Variants in PIGN observed in about 807,000 individuals in gnomAD.
PIGN encodes the protein phosphatidylinositol glycan anchor biosynthesis class N, also known as GPI ethanolamine phosphate transferase 1.
In PIGN, 117 loss-of-function variants were observed where a neutral mutation model predicts 125.4. The ratio of observed to expected loss-of-function variants is 0.93; its 90% confidence interval spans 0.80 to 1.09. The LOEUF (loss-of-function observed/expected upper bound fraction) is 1.09, where lower values mean the gene tolerates loss of function less well. Among genes scored for constraint, PIGN ranks in the 50% least tolerant of loss-of-function variants. The pLI, the probability that PIGN is intolerant of heterozygous loss-of-function variation, is 0.00. For missense variants in PIGN, 1,075 were observed against 1,094.9 expected (o/e 0.98, Z 0.26); for synonymous variants, 392 against 377.8 (o/e 1.04, Z -0.44).
intron 6 of PIGN, among the ~76,000 whole-genome samples, chr18:62,156,743 G>A (rs1219372792): frequency 6.6e-6 from 1 of 152,068 alleles, no homozygotes; most frequent in Non-Finnish European, 1.5e-5. Flanking sequence ...AAAGTGCTAT[G>A]CTAAATATTT....
Position 62,074,790 on chromosome 18 carries a change from T to C in PIGN, c.2608A>G (p.Ile870Val), listed in dbSNP as rs756846755. The change falls in exon 29 of 31, where the codon ATT (isoleucine) becomes GTT (valine). Residue 870 changes from isoleucine to valine, a missense_variant. Physicochemically the swap from Ile to Val is conservative, Grantham distance 29. Transcript: ENST00000640252. ...CAGTAATGCCTTACCAAAGCCATAA[T>C]GTCTGATATGACGAGAACAATGAGA... ...LFLIVLVISD[I>V]MALHFFFLVK... 18 of 1,606,314 alleles carry C rather than the reference T, an allele frequency of 1.1e-5. No homozygotes were observed. The highest frequency in any genetic ancestry group is 2.2e-5 in the East Asian group (1 of 44,716).
At chr18:62,078,027 T>C (rs1219271842) in intron 28 of PIGN, among the ~76,000 whole-genome samples, 6 of 152,190 alleles carry the variant, frequency 3.9e-5, no homozygotes, top group African/African-American at 1.2e-4. Context: ...GGCCCACCCA[T>C]ATCACCTCAT....
At chr18:62,037,305 G>A (rs900041432), downstream of PIGN, among the ~76,000 whole-genome samples, 11 of 152,138 alleles carry the variant, frequency 7.2e-5, no homozygotes, top group Non-Finnish European at 1.3e-4. Context: ...CCAAAGGGAG[G>A]ACTCTGGAAC....
intron 30 of PIGN, among the ~76,000 whole-genome samples, chr18:62,068,782 T>C (rs2032672549): frequency 6.6e-6 from 1 of 152,206 alleles, no homozygotes. Flanking sequence ...ACACTTCTTG[T>C]TCTCTGCTCT....
intron 7 of PIGN, among the ~76,000 whole-genome samples, chr18:62,150,234 T>C (rs542310033): frequency 6.6e-6 from 1 of 152,304 alleles, no homozygotes; most frequent in African/African-American, 2.4e-5. Context: ...TTCACCCACC[T>C]CGGCCTCCCA....
intron 7 of PIGN, among the ~76,000 whole-genome samples, chr18:62,152,866 A>T (rs766407189): frequency 0.11 from 5,460 of 50,180 alleles, 128 homozygotes; most frequent in South Asian, 0.17. Context: ...ATATATATAT[A>T]TATTTTTTTT....
chr18:62,096,516 CTTTTTTTTTTTTTTT>C (rs398033140), intron 22 of PIGN, among the ~76,000 whole-genome samples: 3 of 85,668 alleles, frequency 3.5e-5, no homozygotes, highest in African/African-American at 1.6e-4. Context: ...GAATTATTTT[CTTTTTTTTTTTTTTT>C]TTTTTTTTTT....
chr18:62,159,323 A>G (rs1411423878), intron 4 of PIGN, among the ~76,000 whole-genome samples: 1 of 152,214 alleles, frequency 6.6e-6, no homozygotes, highest in Non-Finnish European at 1.5e-5. Flanking sequence ...GTAAATATAC[A>G]ATGGCACACA....
At chr18:62,081,978 T>C (rs2033470538) in intron 28 of PIGN, among the ~76,000 whole-genome samples, 2 of 152,180 alleles carry the variant, frequency 1.3e-5, no homozygotes, top group Admixed American at 1.3e-4. Context: ...TCTTTCAGCA[T>C]TGAATATGCT....
intron 30 of PIGN, among the ~76,000 whole-genome samples, chr18:62,054,313 A>ATG (rs2145210436): frequency 6.6e-6 from 1 of 152,022 alleles, no homozygotes; most frequent in Admixed American, 6.5e-5. Context: ...AAGAGTTCCT[A>ATG]GTCTTAATAC....
At position 62,020,960 on chromosome 18, in the gene PIGN, C is replaced by CA. The variant is rs35691307; in HGVS notation, c.2143-3220dup. ...TGGGCGACTGAGCGAGACTCTGTCT[C>CA]AAAAAAAAAAAAAAAAAAATTTAAA... On this transcript the variant is annotated intron_variant, in intron 23 of 24. Coordinates refer to the PIGN transcript ENST00000639600. Among the ~76,000 whole-genome samples the CA allele has an allele frequency of 1.6e-3, 186 of 113,354 alleles. 1 individual carries two copies. The highest frequency in any genetic ancestry group is 4.3e-3 in the Admixed American group (47 of 11,028). The allele number at this position is 113,354 out of a possible 152,430, so 74.4% of individuals were successfully genotyped here.
intron 23 of PIGN, among the ~76,000 whole-genome samples, chr18:62,030,115 A>C (rs1039988658): frequency 4.8e-4 from 73 of 152,206 alleles, no homozygotes; most frequent in African/African-American, 1.5e-3. Flanking sequence ...GACTGACATG[A>C]GATAAGATCT....
At chr18:62,165,643 A>G (rs1170566129) in intron 1 of PIGN, among the ~76,000 whole-genome samples, 1 of 152,220 alleles carries the variant, frequency 6.6e-6, no homozygotes, top group Non-Finnish European at 1.5e-5. Context: ...TCTTAACTAC[A>G]AGAATGACCT....
At chr18:62,130,696 G>A (rs1186867582) in intron 14 of PIGN, among the ~76,000 whole-genome samples, 19 of 152,088 alleles carry the variant, frequency 1.2e-4, no homozygotes, top group Admixed American at 1.2e-3. Context: ...GTCAGCTAGT[G>A]TTTAGAGGAC....
At chr18:62,152,455 A>T (rs1209580945) in intron 7 of PIGN, among the ~76,000 whole-genome samples, 1 of 152,114 alleles carries the variant, frequency 6.6e-6, no homozygotes, top group Non-Finnish European at 1.5e-5. Context: ...TTACATTTTA[A>T]AAGCGCCCTG....
At chr18:62,167,281 T>G (rs1438554667) in intron 1 of PIGN, among the ~76,000 whole-genome samples, 5 of 131,560 alleles carry the variant, frequency 3.8e-5, no homozygotes, top group East Asian at 2.0e-4. Context: ...TATATAGAGA[T>G]ATATATGTGT....
intron 5 of PIGN, 126 bp from the exon 6 acceptor site, chr18:62,157,353 T>C (rs2036775921): frequency 1.1e-5 from 6 of 546,856 alleles, no homozygotes; most frequent in Non-Finnish European, 1.6e-5. Flanking sequence ...AGATTTTATA[T>C]TATGCATATT....
intron 10 of PIGN, among the ~76,000 whole-genome samples, chr18:62,143,681 A>G (rs930062460): frequency 1.3e-5 from 2 of 152,154 alleles, no homozygotes; most frequent in African/African-American, 2.4e-5. Flanking sequence ...TTGACAACTC[A>G]TTACAATCCT....
At chr18:62,065,731 G>A (rs1039322399) in intron 30 of PIGN, among the ~76,000 whole-genome samples, 1 of 151,662 alleles carries the variant, frequency 6.6e-6, no homozygotes, top group Non-Finnish European at 1.5e-5. Flanking sequence ...GCGAGACTCC[G>A]TCTCCAAAAA....
Sources: gnomAD v4.1 joint callset for allele counts (sites outside exome capture counted in the v4.1 genomes callset) on GRCh38, gnomAD v4.1.1 for gene constraint, MANE v1.5 for transcripts, NCBI Gene and HGNC (gene_info 2026-07-23, HGNC 2026-07-21) for gene names.